The following ARL13B variants were observed in gnomAD, a reference collection of about 807,000 sequenced individuals.
The protein encoded by ARL13B is ARF like GTPase 13B.
In ARL13B, 36 loss-of-function variants were observed where a neutral mutation model predicts 56.1. The observed-to-expected ratio is 0.64, with a 90% CI of 0.49 to 0.85. ARL13B has a LOEUF of 0.85. ARL13B is among the 40% of genes least tolerant of loss of function. ARL13B has a pLI of 0.00. For synonymous variants in ARL13B, 178 were observed against 171.1 expected, an observed-to-expected ratio of 1.04 and a Z score of -0.32; for missense variants, 519 against 507.1, an observed-to-expected ratio of 1.02 and a Z score of -0.23.
chr3:94,054,841 G>A lies in ARL13B; in HGVS notation c.*1578G>A. The stretch of plus-strand genomic sequence containing the variant: ...AACAACCTAAATTTGAGAGGTGGCT[G>A]AAATGTGATGAAAAGCAATACGAAA... On this transcript the variant is annotated 3_prime_UTR_variant, in exon 10 of 10. Transcript: ENST00000394222. The A allele has an allele frequency of 2.8e-6, 1 of 356,564 alleles. No homozygotes were observed. Among genetic ancestry groups the A allele is most frequent in the Non-Finnish European group, 5.5e-6 (1 of 180,836 alleles). The allele number at this position is 356,564 out of a possible 1,614,324, so 22.1% of individuals were successfully genotyped here. A position where few individuals can be genotyped will look rare whatever the true frequency, so the allele number is the denominator to read the frequency against.
At chr3:93,999,096 T>TA (rs1319369465) in intron 2 of ARL13B, among the ~76,000 whole-genome samples, 1 of 150,414 alleles carries the variant, frequency 6.6e-6, no homozygotes, top group Non-Finnish European at 1.5e-5. Flanking sequence ...TCTATTTATT[T>TA]ATTTATTTAT....
At chr3:94,014,139 A>T (rs1256012086) in intron 3 of ARL13B, among the ~76,000 whole-genome samples, 1 of 152,210 alleles carries the variant, frequency 6.6e-6, no homozygotes, top group South Asian at 2.1e-4. Context: ...CTCATTTTCA[A>T]TAGTTAATTT....
rs1348090130 is a variant in ARL13B, at chr3:94,044,367, C to T, written c.1024+1127C>T. Among the ~76,000 whole-genome samples, 51 of 142,658 alleles carry T rather than the reference C, an allele frequency of 3.6e-4. 1 individual carries two copies. The highest frequency in any genetic ancestry group is 8.7e-3 in the Middle Eastern group (2 of 230). The allele number at this position is 142,658 out of a possible 152,430, so 93.6% of individuals were successfully genotyped here. A position where few individuals can be genotyped will look rare whatever the true frequency, so the allele number is the denominator to read the frequency against. On this transcript the variant is annotated intron_variant, in intron 7 of 9. Transcript: ENST00000394222. Reference sequence around the variant, plus strand: ...GCCACCCCGTCTGGGATGTGAGGAGCGTCTCTGCCCAGCCGCCACCCCATC... The same window carrying T: ...GCCACCCCGTCTGGGATGTGAGGAGTGTCTCTGCCCAGCCGCCACCCCATC...
At chr3:94,014,223 G>T in intron 3 of ARL13B, 1 of 492,538 alleles carries the variant, frequency 2.0e-6, no homozygotes, top group Non-Finnish European at 3.3e-6. Flanking sequence ...GGCTACAGAA[G>T]TTTCTGAAAT....
chr3:94,024,658 T>A (rs976630012), intron 3 of ARL13B, among the ~76,000 whole-genome samples: 1 of 152,184 alleles, frequency 6.6e-6, no homozygotes, highest in Non-Finnish European at 1.5e-5. Flanking sequence ...CAATTGCGGC[T>A]CACTGCAGCC....
intron 3 of ARL13B, chr3:94,014,595 T>C (rs755061747): frequency 3.7e-6 from 6 of 1,612,884 alleles, no homozygotes; most frequent in African/African-American, 1.3e-5. Flanking sequence ...AATCCTTTAT[T>C]TGGTTCTCCA....
intron 3 of ARL13B, among the ~76,000 whole-genome samples, chr3:94,032,998 TG>T (rs1341234012): frequency 6.6e-6 from 1 of 152,180 alleles, no homozygotes; most frequent in Non-Finnish European, 1.5e-5. Flanking sequence ...AGAAAATGTT[TG>T]TGTGTGTGTT....
intron 1 of ARL13B, among the ~76,000 whole-genome samples, chr3:93,987,336 G>A (rs1210592929): frequency 2.6e-5 from 4 of 152,046 alleles, no homozygotes; most frequent in Non-Finnish European, 5.9e-5. Context: ...ATATAAAAAG[G>A]AATTCTGAGA....
At chr3:94,038,177 T>C (rs931939865) in intron 5 of ARL13B, among the ~76,000 whole-genome samples, 17 of 152,176 alleles carry the variant, frequency 1.1e-4, no homozygotes, top group African/African-American at 3.9e-4. Flanking sequence ...TTAATAACAA[T>C]GACTATCCTA....
chr3:93,980,401 A>G lies in ARL13B; in HGVS notation c.-23A>G. ...GTGTCCGCTCCGGGCTCGGATGGGA[A>G]GTGGTGGGAGGAGCGACCCGGGATG... is the stretch of plus-strand genomic sequence containing the variant. On this transcript the variant is annotated 5_prime_UTR_variant, in exon 1 of 10. Coordinates refer to ENST00000394222, the MANE Select transcript of ARL13B (RefSeq NM_001174150.2). The G allele has an allele frequency of 6.2e-7, 1 of 1,611,066 alleles. No homozygotes were observed. Among genetic ancestry groups the G allele is most frequent in the Non-Finnish European group, 8.5e-7 (1 of 1,179,920 alleles).
chr3:93,997,131 A>G (rs1212068928), intron 2 of ARL13B, among the ~76,000 whole-genome samples: 1 of 152,016 alleles, frequency 6.6e-6, no homozygotes, highest in African/African-American at 2.4e-5. Context: ...CTGATTGTAC[A>G]TTATGGTGAG....
chr3:94,004,029 G>C (rs1474519808), intron 3 of ARL13B, 121 bp downstream of exon 3: 1 of 1,422,368 alleles, frequency 7.0e-7, no homozygotes, highest in African/African-American at 1.4e-5. Context: ...TAAAATGTAT[G>C]TAATTAACTG....
In ARL13B at chr3:93,980,296, C is replaced by T. The variant is rs1710142516; in HGVS notation, c.-128C>T. 1.5e-6 allele frequency: 2 copies of T among 1,301,732 alleles called. No individual in the cohort carries two copies. The highest frequency in any genetic ancestry group is 1.1e-6 in the Non-Finnish European group (1 of 916,832). 80.6% of individuals were successfully genotyped at this position (1,301,732 alleles called of 1,614,324 possible). On this transcript the variant is annotated 5_prime_UTR_variant, in exon 1 of 10. Transcript: ENST00000394222. The stretch of plus-strand genomic sequence containing the variant: ...GCTCGGGCCGGCCGCCTTCACTTCC[C>T]TCCCGGCTTTTCCTCCCGACTTATC...
rs535271781 is a variant in ARL13B, at chr3:94,012,315, A to G, written c.380+8407A>G. On this transcript the variant is annotated intron_variant, in intron 3 of 9. Coordinates refer to ENST00000394222, the MANE Select transcript of ARL13B (RefSeq NM_001174150.2). ...ACTTGGACCTTTTAATAGTCATTTC[A>G]GATTCTCTGGACCAAGATAGCATCT... is the stretch of plus-strand genomic sequence containing the variant. 2.1e-4 allele frequency among the ~76,000 whole-genome samples: 32 copies of G among 152,296 alleles called. No individual in the cohort carries two copies. The East Asian group carries it at 6.2e-3, about 29-fold the overall frequency.
chr3:94,048,185 A>C (rs562812389), intron 7 of ARL13B: 4 of 152,438 alleles, frequency 2.6e-5, no homozygotes, highest in Non-Finnish European at 4.4e-5. Context: ...ATCTCTACAA[A>C]AAAATACAAA....
At chr3:94,030,532 G>A (rs1177205364) in intron 3 of ARL13B, among the ~76,000 whole-genome samples, 2 of 151,426 alleles carry the variant, frequency 1.3e-5, no homozygotes, top group Admixed American at 6.6e-5. Context: ...ACGTCCAGCC[G>A]ATATAAATAT....
Position 94,053,744 on chromosome 3 carries a change from CTG to C in ARL13B, c.*484_*485del, listed in dbSNP as rs1421191980. On this transcript the variant is annotated 3_prime_UTR_variant, in exon 10 of 10. Coordinates refer to ENST00000394222, the MANE Select transcript of ARL13B (RefSeq NM_001174150.2). The stretch of plus-strand genomic sequence containing the variant: ...TTTAAATCTTTAAAAATTTTAATTA[CTG>C]TGATATTGATTATACACCTTTTTTA... 2 of 307,686 alleles carry C rather than the reference CTG, an allele frequency of 6.5e-6. No individual in the cohort carries two copies. The highest frequency in any genetic ancestry group is 2.2e-5 in the African/African-American group (1 of 45,224). 19.1% of individuals were successfully genotyped at this position (307,686 alleles called of 1,614,324 possible). A position where few individuals can be genotyped will look rare whatever the true frequency, so the allele number is the denominator to read the frequency against.
chr3:94,043,805 G>T (rs1193272673), intron 7 of ARL13B, among the ~76,000 whole-genome samples: 1 of 145,228 alleles, frequency 6.9e-6, no homozygotes, highest in Non-Finnish European at 1.5e-5. Flanking sequence ...TTCCAGGCAC[G>T]CGCCGCCACT....
intron 7 of ARL13B, among the ~76,000 whole-genome samples, chr3:94,045,433 T>A (rs1576050151): frequency 4.3e-5 from 5 of 116,536 alleles, no homozygotes; most frequent in South Asian, 2.6e-4. Flanking sequence ...CACCCAAGAA[T>A]GATCAATAAA....
Sources: allele counts gnomAD v4.1 joint callset (sites outside exome capture counted in the v4.1 genomes callset), GRCh38; gene constraint gnomAD v4.1.1; transcripts MANE v1.5; gene names NCBI Gene and HGNC (gene_info 2026-07-23, HGNC 2026-07-21).